Variants in ODAD2 observed in about 807,000 individuals in gnomAD.
ODAD2 encodes the protein outer dynein arm docking complex subunit 2.
In ODAD2, 89 loss-of-function variants were observed where a neutral mutation model predicts 106.8. The observed-to-expected ratio is 0.83, with a 90% CI of 0.70 to 0.99. The LOEUF (loss-of-function observed/expected upper bound fraction) is 0.99, where lower values mean the gene tolerates loss of function less well. Ranked by LOEUF, ODAD2 falls within the 50% of genes least tolerant of loss-of-function variation. The pLI, the probability that ODAD2 is intolerant of heterozygous loss-of-function variation, is 0.00. For synonymous variants in ODAD2, 404 were observed against 436.2 expected (o/e 0.93, Z 0.92); for missense variants, 1,168 against 1,238.5 (o/e 0.94, Z 0.85).
chr10:27,956,076 G>A (rs373134093), intron 10 of ODAD2, among the ~76,000 whole-genome samples: 7 of 152,090 alleles, frequency 4.6e-5, no homozygotes, highest in African/African-American at 7.2e-5. Flanking sequence ...TGAAATCCAC[G>A]CCAGTGTTTG....
intron 7 of ODAD2, among the ~76,000 whole-genome samples, chr10:27,980,251 C>T (rs1223545090): frequency 6.6e-6 from 1 of 151,982 alleles, no homozygotes. Context: ...TTTTCATGAC[C>T]TTGGATTTGG....
intron 7 of ODAD2, among the ~76,000 whole-genome samples, chr10:27,978,770 T>C (rs1209210232): frequency 6.6e-6 from 1 of 151,420 alleles, no homozygotes; most frequent in Admixed American, 6.6e-5. Flanking sequence ...TCAGCCTGAG[T>C]GACAGAGCAA....
intron 17 of ODAD2, among the ~76,000 whole-genome samples, chr10:27,885,733 TA>T (rs1842124684): frequency 5.4e-5 from 1 of 18,412 alleles, no homozygotes; most frequent in African/African-American, 1.0e-4. Context: ...ATATATAAAA[TA>T]TATTATGTTA....
Position 27,862,623 on chromosome 10 carries a change from C to A in ODAD2, c.2611-1G>T. ...AGGAACGAACCATTTCCCCAGCATC[C>A]TAGACAAAAATAAAAGTAAAGATGG... is the stretch of plus-strand genomic sequence containing the variant. On this transcript the variant is annotated splice_acceptor_variant, in intron 17 of 19. Transcript: ENST00000305242. LOFTEE classifies it high-confidence loss of function. 6.3e-7 allele frequency: 1 copy of A among 1,587,024 alleles called. No homozygotes were observed. Among genetic ancestry groups the A allele is most frequent in the East Asian group, 2.3e-5 (1 of 43,768 alleles).
At chr10:27,867,404 G>T (rs74127134) in intron 17 of ODAD2, among the ~76,000 whole-genome samples, 4,293 of 152,256 alleles carry the variant, frequency 0.028, 214 homozygotes, top group African/African-American at 0.097. Context: ...ACAAACTGAA[G>T]CCTTTTCTGG....
intron 17 of ODAD2, among the ~76,000 whole-genome samples, chr10:27,891,059 C>G (rs1325365021): frequency 6.6e-6 from 1 of 152,096 alleles, no homozygotes; most frequent in Non-Finnish European, 1.5e-5. Context: ...AAACTAAACC[C>G]CTCCACAAGC....
At chr10:27,998,575 A>G (rs1272407274) in intron 1 of ODAD2, among the ~76,000 whole-genome samples, 4 of 150,058 alleles carry the variant, frequency 2.7e-5, no homozygotes, top group Non-Finnish European at 5.9e-5. Context: ...GGGACTGAGG[A>G]GCAGACGGTC....
intron 19 of ODAD2, among the ~76,000 whole-genome samples, chr10:27,848,317 G>A (rs1202468002): frequency 6.6e-6 from 1 of 152,176 alleles, no homozygotes; most frequent in African/African-American, 2.4e-5. Flanking sequence ...AATAAGCAAT[G>A]GGGGAAGGAT....
At position 27,877,560 on chromosome 10, in the gene ODAD2, C is replaced by T. The variant is rs567293900; in HGVS notation, c.2611-14938G>A. ...CCTTTTTAGATTTAAAGATTTTAAA[C>T]ATATGACGTCTTGCCTCGCATAGTT... On this transcript the variant is annotated intron_variant, in intron 17 of 19. Coordinates refer to ENST00000305242, the MANE Select transcript of ODAD2 (RefSeq NM_018076.5). Among the ~76,000 whole-genome samples, 68 of 152,256 alleles carry T rather than the reference C, an allele frequency of 4.5e-4. 1 individual carries two copies. The South Asian group carries it at 0.013, about 30-fold the overall frequency.
At chr10:27,935,634 A>G (rs11006776) in intron 15 of ODAD2, among the ~76,000 whole-genome samples, 24,820 of 151,676 alleles carry the variant, frequency 0.16, 2,389 homozygotes, top group East Asian at 0.27. Context: ...TGCATCAAAC[A>G]TGGCTCTATT....
intron 17 of ODAD2, among the ~76,000 whole-genome samples, chr10:27,879,376 T>A (rs1359107553): frequency 2.6e-5 from 4 of 151,972 alleles, no homozygotes; most frequent in Non-Finnish European, 5.9e-5. Flanking sequence ...ATAAAATAGC[T>A]ATTATTTATA....
At chr10:27,900,286 C>T (rs575145917) in intron 17 of ODAD2, among the ~76,000 whole-genome samples, 33 of 152,176 alleles carry the variant, frequency 2.2e-4, no homozygotes, top group Non-Finnish European at 3.7e-4. Context: ...ACAAAAAGGA[C>T]GTCCACAAAA....
intron 19 of ODAD2, among the ~76,000 whole-genome samples, chr10:27,854,664 G>A (rs535077411): frequency 2.0e-5 from 3 of 152,258 alleles, no homozygotes; most frequent in East Asian, 1.9e-4. Context: ...GCTGAGGCAT[G>A]AGAATTGCTT....
chr10:27,919,695 A>G (rs886074699), intron 16 of ODAD2, among the ~76,000 whole-genome samples: 1 of 152,156 alleles, frequency 6.6e-6, no homozygotes, highest in African/African-American at 2.4e-5. Context: ...AAATCGTACA[A>G]TCACTTTTGT....
At chr10:27,957,108 T>C (rs968207722) in intron 10 of ODAD2, 2 of 152,200 alleles carry the variant, frequency 1.3e-5, no homozygotes, top group Admixed American at 1.3e-4. Flanking sequence ...ACATTTTCCT[T>C]GCAAGATTTT....
intron 17 of ODAD2, among the ~76,000 whole-genome samples, chr10:27,882,302 T>A (rs1479561512): frequency 1.3e-5 from 2 of 151,928 alleles, no homozygotes; most frequent in Non-Finnish European, 2.9e-5. Context: ...GGAATAAAAT[T>A]TTTTTTTAAG....
chr10:27,850,287 A>G (rs904634174), intron 19 of ODAD2, among the ~76,000 whole-genome samples: 2 of 151,826 alleles, frequency 1.3e-5, no homozygotes, highest in Non-Finnish European at 2.9e-5. Context: ...TCTATCAAAA[A>G]CAAAAAAATT....
At chr10:27,842,294 A>G (rs1035045662) in intron 19 of ODAD2, among the ~76,000 whole-genome samples, 1 of 152,228 alleles carries the variant, frequency 6.6e-6, no homozygotes, top group African/African-American at 2.4e-5. Flanking sequence ...GATGGTGAAT[A>G]GAAGGACAGG....
intron 17 of ODAD2, among the ~76,000 whole-genome samples, chr10:27,870,328 C>T (rs1194932579): frequency 6.6e-6 from 1 of 152,058 alleles, no homozygotes; most frequent in African/African-American, 2.4e-5. Context: ...GATTCCTGTA[C>T]ATCTTTGAAT....
Sources: gnomAD v4.1 joint callset for allele counts (sites outside exome capture counted in the v4.1 genomes callset) on GRCh38, gnomAD v4.1.1 for gene constraint, MANE v1.5 for transcripts, NCBI Gene and HGNC (gene_info 2026-07-23, HGNC 2026-07-21) for gene names.